The following ZBTB17 variants were observed in gnomAD, a reference collection of about 807,000 sequenced individuals.
The protein encoded by ZBTB17 is zinc finger and BTB domain-containing protein 17.
In ZBTB17, 24 loss-of-function variants were observed where a neutral mutation model predicts 85.1. The observed-to-expected ratio is 0.28, with a 90% CI of 0.20 to 0.40. ZBTB17 has a LOEUF of 0.40. Ranked by LOEUF, ZBTB17 falls within the 10% of genes least tolerant of loss-of-function variation. ZBTB17 has a pLI of 1.00. For missense variants in ZBTB17, 743 were observed against 1,105.1 expected (o/e 0.67, Z 4.65); for synonymous variants, 464 against 460.2 (o/e 1.01, Z -0.11).
At chr1:15,955,491 T>A (rs1406865660) in intron 2 of ZBTB17, among the ~76,000 whole-genome samples, 2 of 152,216 alleles carry the variant, frequency 1.3e-5, no homozygotes, top group Admixed American at 6.5e-5. Context: ...ATTCCCAGCA[T>A]AAGAATCACT....
At chr1:15,974,395 A>C (rs2072785036) in intron 1 of ZBTB17, among the ~76,000 whole-genome samples, 2 of 146,784 alleles carry the variant, frequency 1.4e-5, no homozygotes, top group African/African-American at 2.5e-5. Context: ...GGCTTGTCTC[A>C]AACTCCTGGG....
At chr1:15,950,047 T>G (rs1289038921) in intron 2 of ZBTB17, among the ~76,000 whole-genome samples, 2 of 152,204 alleles carry the variant, frequency 1.3e-5, no homozygotes, top group Non-Finnish European at 2.9e-5. Flanking sequence ...CTCAATGACA[T>G]TCCTAAATGG....
At position 15,966,175 on chromosome 1, in the gene ZBTB17, G is replaced by A. The variant is rs1468882927; in HGVS notation, c.-3+6864C>T. On this transcript the variant is annotated intron_variant, in intron 2 of 15. Coordinates refer to ENST00000375743, the MANE Select transcript of ZBTB17 (RefSeq NM_003443.3). This position sits in a 1 kb window ranked among gnomAD's most constrained non-coding sequence, Gnocchi z 4.1. ...GGGAAAATCCCTGAGGGGCCCACAT[G>A]GCCCCGAGACTACAGAAATGAGAAG... Among the ~76,000 whole-genome samples, 1 of 152,178 alleles carries A rather than the reference G, an allele frequency of 6.6e-6. No individual in the cohort carries two copies. The highest frequency in any genetic ancestry group is 1.5e-5 in the Non-Finnish European group (1 of 68,024).
At chr1:15,949,096 G>C (rs529439442) in intron 2 of ZBTB17, among the ~76,000 whole-genome samples, 13 of 152,062 alleles carry the variant, frequency 8.5e-5, no homozygotes, top group Non-Finnish European at 1.3e-4. Context: ...TGATTCATGG[G>C]AACTACCTAG....
Position 15,964,809 on chromosome 1 carries a change from C to T in ZBTB17, c.-3+8230G>A, listed in dbSNP as rs1319248487. The stretch of plus-strand genomic sequence containing the variant: ...TTCTAAAATGATGTATTTTACAAGT[C>T]AGTGTGGTATTTAAACAGAGAACAG... On this transcript the variant is annotated intron_variant, in intron 2 of 15. Coordinates refer to ENST00000375743, the MANE Select transcript of ZBTB17 (RefSeq NM_003443.3). This position sits in a 1 kb window ranked among gnomAD's most constrained non-coding sequence, Gnocchi z 4.3. Among the ~76,000 whole-genome samples the T allele has an allele frequency of 1.3e-5, 2 of 152,102 alleles. No individual in the cohort carries two copies. Among genetic ancestry groups the T allele is most frequent in the Non-Finnish European group, 2.9e-5 (2 of 68,016 alleles).
chr1:15,954,744 G>A (rs557944567), intron 2 of ZBTB17, among the ~76,000 whole-genome samples: 2 of 152,292 alleles, frequency 1.3e-5, no homozygotes, highest in South Asian at 4.1e-4. Flanking sequence ...CCAGCCACTC[G>A]GGAGGCTGAG....
chr1:15,971,417 CTATA>C lies in ZBTB17; in HGVS notation c.-3+1618_-3+1621del, dbSNP rs113675523. Among the ~76,000 whole-genome samples the C allele has an allele frequency of 9.4e-5, 12 of 127,286 alleles. 1 individual carries two copies. Among genetic ancestry groups the C allele is most frequent in the Admixed American group, 3.3e-4 (4 of 12,170 alleles). The allele number at this position is 127,286 out of a possible 152,430, so 83.5% of individuals were successfully genotyped here. A position where few individuals can be genotyped will look rare whatever the true frequency, so the allele number is the denominator to read the frequency against. On this transcript the variant is annotated intron_variant, in intron 2 of 15. Transcript: ENST00000375743. ...TACACACTATATATATACACACACA[CTATA>C]TATATATACACACACACTATATATA...
At chr1:15,948,535 A>G (rs1171000899) in intron 2 of ZBTB17, 38 bp from the exon 3 acceptor site, 4 of 1,594,602 alleles carry the variant, frequency 2.5e-6, no homozygotes, top group East Asian at 2.2e-5. Flanking sequence ...TAGCACGGAG[A>G]AAGGACGTCA....
intron 2 of ZBTB17, among the ~76,000 whole-genome samples, chr1:15,967,323 C>G (rs1325773720): frequency 1.3e-5 from 2 of 151,882 alleles, no homozygotes; most frequent in Admixed American, 1.3e-4. Context: ...CTGCAGTGAG[C>G]TATGACAGCT....
At chr1:15,944,039 C>T in intron 9 of ZBTB17, 144 bp from the exon 10 acceptor site, 2 of 983,474 alleles carry the variant, frequency 2.0e-6, no homozygotes, top group Non-Finnish European at 3.2e-6. Flanking sequence ...CAGGAGAGGT[C>T]CCAGGTCCCA....
chr1:15,945,980 G>A (rs753052165), intron 5 of ZBTB17, 140 bp from the exon 6 acceptor site: 3 of 1,546,450 alleles, frequency 1.9e-6, no homozygotes, highest in Admixed American at 3.4e-5. Flanking sequence ...AGGCTGTTGT[G>A]TCTGCTCTGG....
chr1:15,946,239 CA>C lies in ZBTB17; in HGVS notation c.449del (p.Leu150ArgfsTer10), dbSNP rs1294878744. 1 of 1,613,878 alleles carries C rather than the reference CA, an allele frequency of 6.2e-7. No individual in the cohort carries two copies. Among genetic ancestry groups the C allele is most frequent in the Non-Finnish European group, 8.5e-7 (1 of 1,180,008 alleles). ...EKVATSTLSR[L>X]EQAGRSTPIG... ...TGGGTGTGCTGCGTCCTGCCTGCTC[CA>C]GCCTGCTCAGCGTGCTGGTGGCCAC... On this transcript the variant is annotated frameshift_variant, in exon 5 of 16. Coordinates refer to ENST00000375743, the MANE Select transcript of ZBTB17 (RefSeq NM_003443.3). LOFTEE classifies it high-confidence loss of function.
rs574861822 is a variant in ZBTB17 at position 15,976,030 on chromosome 1, G to A, written c.-137C>T. On this transcript the variant is annotated 5_prime_UTR_variant, in exon 1 of 16. Transcript: ENST00000375743. ...GCAGAGGGAGGTGCATCACGGCCGC[G>A]AGAAGGCCGGGGACGGCACTCCAGA... is the stretch of plus-strand genomic sequence containing the variant. 3 of 697,096 alleles carry A rather than the reference G, an allele frequency of 4.3e-6. No individual in the cohort carries two copies. The highest frequency in any genetic ancestry group is 2.7e-5 in the East Asian group (1 of 36,568). The allele number at this position is 697,096 out of a possible 1,614,324, so 43.2% of individuals were successfully genotyped here. A position where few individuals can be genotyped will look rare whatever the true frequency, so the allele number is the denominator to read the frequency against.
At chr1:15,959,392 T>C (rs557032657) in intron 2 of ZBTB17, among the ~76,000 whole-genome samples, 17 of 152,132 alleles carry the variant, frequency 1.1e-4, no homozygotes, top group African/African-American at 3.4e-4. Context: ...CTTTTCACTA[T>C]ATATCCTTTC....
rs781070997 is a variant in ZBTB17, at chr1:15,945,050, C to T, written c.814G>A (p.Ala272Thr). ...AGCTCCTGCCCCGAGTCTGTGCCCG[C>T]TGACTCCTCATTCTCGTTCTCCTCG... The part of the protein sequence containing the change: ...APEENENEES[A>T]GTDSGQELGS... The change falls in exon 7 of 16, where the codon GCG becomes ACG. Residue 272 changes from alanine (A) to threonine (T), a missense_variant. Ala to Thr is a moderately conservative substitution (Grantham distance 58). Transcript: ENST00000375743. The T allele has an allele frequency of 6.2e-7, 1 of 1,611,068 alleles. No homozygotes were observed. The highest frequency in any genetic ancestry group is 8.5e-7 in the Non-Finnish European group (1 of 1,179,200).
Position 15,946,190 on chromosome 1 carries a change from C to G in ZBTB17, c.499G>C (p.Glu167Gln), listed in dbSNP as rs1236417292. ...TPIGPSRDLKEERGGQAQSAA... is the reference protein window; with the variant it reads ...TPIGPSRDLKQERGGQAQSAA... Reference sequence around the variant, plus strand: ...CTCTGGGCCTGACCGCCGCGCTCCTCCTTGAGGTCCCTGCTGGGGCCTATG... The same window carrying G: ...CTCTGGGCCTGACCGCCGCGCTCCTGCTTGAGGTCCCTGCTGGGGCCTATG... Residue 167 changes from glutamate (E) to glutamine (Q), a missense_variant, in exon 5 of 16, where the codon GAG becomes CAG. Glu to Gln is a conservative substitution (Grantham distance 29). Coordinates refer to ENST00000375743, the MANE Select transcript of ZBTB17 (RefSeq NM_003443.3). The G allele has an allele frequency of 1.4e-5, 23 of 1,611,836 alleles. No individual in the cohort carries two copies. Among genetic ancestry groups the G allele is most frequent in the Non-Finnish European group, 1.8e-5 (21 of 1,180,020 alleles).
At chr1:15,943,002 C>A (rs2071426939) in intron 13 of ZBTB17, 62 bp downstream of exon 13, 2 of 1,601,196 alleles carry the variant, frequency 1.2e-6, no homozygotes, top group African/African-American at 2.7e-5. Context: ...CTTCCTTCCC[C>A]CTGCTCCCCA....
chr1:15,951,859 G>C lies in ZBTB17; in HGVS notation c.-2-3362C>G, dbSNP rs2071866466. Among the ~76,000 whole-genome samples, 1 of 152,140 alleles carries C rather than the reference G, an allele frequency of 6.6e-6. No individual in the cohort carries two copies. The highest frequency in any genetic ancestry group is 6.5e-5 in the Admixed American group (1 of 15,282). On this transcript the variant is annotated intron_variant, in intron 2 of 15. Transcript: ENST00000375743. This position sits in a 1 kb window ranked among gnomAD's most constrained non-coding sequence, Gnocchi z 4.1. ...TCCTAAGTACGTGCTAGGAGGTGCT[G>C]TCTGGGGAGACGTTAACCACAGTAA...
At chr1:15,969,614 G>A (rs1274546895) in intron 2 of ZBTB17, 5 of 423,094 alleles carry the variant, frequency 1.2e-5, no homozygotes, top group East Asian at 7.1e-5. Flanking sequence ...AGGGTGGGGG[G>A]AGCAGGGCAG....
Sources: gnomAD v4.1 joint callset for allele counts (sites outside exome capture counted in the v4.1 genomes callset) on GRCh38, gnomAD v4.1.1 for gene constraint, Gnocchi (gnomAD v3.1) non-coding constraint, MANE v1.5 for transcripts, NCBI Gene and HGNC (gene_info 2026-07-23, HGNC 2026-07-21) for gene names.